Variants in UBR3 observed in about 807,000 individuals in gnomAD.
The protein encoded by UBR3 is E3 ubiquitin-protein ligase UBR3.
Under a neutral mutation model 243.2 loss-of-function variants are expected in UBR3, and 85 were observed. The ratio of observed to expected loss-of-function variants is 0.35; its 90% confidence interval spans 0.29 to 0.42. UBR3 has a LOEUF of 0.42. Ranked by LOEUF, UBR3 falls within the 10% of genes least tolerant of loss-of-function variation. The pLI is 1.00. For synonymous variants in UBR3, 748 were observed against 799.8 expected, an observed-to-expected ratio of 0.94 and a Z score of 1.09; for missense variants, 1,686 against 2,300.8, an observed-to-expected ratio of 0.73 and a Z score of 5.47.
chr2:169,977,429 C>T (rs189854143), intron 24 of UBR3, among the ~76,000 whole-genome samples: 2 of 152,048 alleles, frequency 1.3e-5, no homozygotes, highest in Non-Finnish European at 2.9e-5. Context: ...TGGTTCATTC[C>T]AAGTCTAAAA....
At chr2:170,079,438 GT>G (rs2091869929) in intron 36 of UBR3, among the ~76,000 whole-genome samples, 1 of 152,068 alleles carries the variant, frequency 6.6e-6, no homozygotes, top group African/African-American at 2.4e-5. Flanking sequence ...TCAAAACTTG[GT>G]TTTAAAAAAT....
intron 36 of UBR3, chr2:170,078,003 G>T (rs561016359): frequency 3.9e-5 from 26 of 665,950 alleles, no homozygotes; most frequent in Non-Finnish European, 6.2e-5. Context: ...TGGGAAGTAC[G>T]TTAGCTTGAG....
chr2:169,880,718 C>G (rs1390846278), intron 5 of UBR3, among the ~76,000 whole-genome samples: 2 of 152,072 alleles, frequency 1.3e-5, no homozygotes, highest in East Asian at 3.8e-4. Flanking sequence ...TTATTCATTA[C>G]TATTGCTTCT....
intron 1 of UBR3, among the ~76,000 whole-genome samples, chr2:169,861,663 G>C (rs1468088904): frequency 6.6e-6 from 1 of 151,094 alleles, no homozygotes; most frequent in East Asian, 1.9e-4. Flanking sequence ...TTTTTGTACA[G>C]AAATGTTTTC....
intron 10 of UBR3, among the ~76,000 whole-genome samples, chr2:169,912,933 C>A (rs565284359): frequency 6.6e-5 from 10 of 152,146 alleles, no homozygotes; most frequent in African/African-American, 2.4e-4. Context: ...TATAAATGCA[C>A]GCCACCACTC....
chr2:169,891,209 A>G lies in UBR3; in HGVS notation c.1083A>G (p.Val361=), dbSNP rs1225102007. The part of the protein sequence containing the change: ...GSQGLGKRKR[V]KLSSGTKDQS... ...AAGGTCTGGGCAAGAGAAAAAGGGT[A>G]AAACTAAGCAGTGGCACCAAAGGTA... The change falls in exon 6 of 39, where the codon GTA becomes GTG. Residue 361 remains valine, a synonymous_variant. Transcript: ENST00000272793. 2.6e-6 allele frequency: 4 copies of G among 1,549,904 alleles called. No homozygotes were observed. The South Asian group carries it at 3.6e-5, about 14-fold the overall frequency.
At chr2:169,870,917 G>C (rs2083416307) in intron 1 of UBR3, among the ~76,000 whole-genome samples, 1 of 150,284 alleles carries the variant, frequency 6.7e-6, no homozygotes, top group Admixed American at 6.6e-5. Flanking sequence ...GCCTCCCAAA[G>C]TGCTGGGATT....
intron 31 of UBR3, among the ~76,000 whole-genome samples, chr2:170,032,485 C>A (rs1267195390): frequency 1.4e-5 from 2 of 147,110 alleles, no homozygotes; most frequent in Non-Finnish European, 3.0e-5. Flanking sequence ...ACAACAACAA[C>A]AAAAAGATTA....
chr2:170,048,650 T>A (rs774345142), intron 32 of UBR3, among the ~76,000 whole-genome samples: 1 of 152,190 alleles, frequency 6.6e-6, no homozygotes, highest in Non-Finnish European at 1.5e-5. Flanking sequence ...GTTTCCAAAT[T>A]CGTAAACCTT....
At chr2:169,858,739 AC>A (rs1470464778) in intron 1 of UBR3, among the ~76,000 whole-genome samples, 1 of 152,070 alleles carries the variant, frequency 6.6e-6, no homozygotes, top group African/African-American at 2.4e-5. Context: ...AGCTGGGATT[AC>A]AGGCACCCTC....
chr2:169,938,019 G>A (rs1351358574), intron 19 of UBR3, among the ~76,000 whole-genome samples: 3 of 152,006 alleles, frequency 2.0e-5, no homozygotes, highest in Non-Finnish European at 2.9e-5. Context: ...ATCCTCAATT[G>A]TACTTGCTAT....
At chr2:169,979,376 A>G (rs2088614973) in intron 24 of UBR3, among the ~76,000 whole-genome samples, 1 of 152,188 alleles carries the variant, frequency 6.6e-6, no homozygotes, top group South Asian at 2.1e-4. Flanking sequence ...TTACCATATG[A>G]TCCATCACTT....
At chr2:170,075,274 T>A (rs2091783403) in intron 36 of UBR3, among the ~76,000 whole-genome samples, 1 of 152,144 alleles carries the variant, frequency 6.6e-6, no homozygotes, top group Non-Finnish European at 1.5e-5. Context: ...GTCTAGTAAT[T>A]TCTTTATTCA....
chr2:169,857,359 C>T (rs763244935), intron 1 of UBR3, among the ~76,000 whole-genome samples: 10 of 151,684 alleles, frequency 6.6e-5, no homozygotes, highest in South Asian at 2.1e-4. Flanking sequence ...TGAGCCACTG[C>T]GCCCGGCCCC....
chr2:169,970,108 C>T (rs528810436), intron 24 of UBR3, among the ~76,000 whole-genome samples: 51 of 140,786 alleles, frequency 3.6e-4, no homozygotes, highest in African/African-American at 1.2e-3. Context: ...GTCATTTTCA[C>T]AGTATTCTTC....
At chr2:169,951,930 T>C (rs1203113952) in intron 23 of UBR3, among the ~76,000 whole-genome samples, 2 of 152,184 alleles carry the variant, frequency 1.3e-5, no homozygotes, top group African/African-American at 2.4e-5. Flanking sequence ...TTTACCAAGA[T>C]AATGGAGTGT....
At chr2:169,831,127 A>ATATATATATATATATATAT (rs1450878762) in intron 1 of UBR3, among the ~76,000 whole-genome samples, 1 of 56,464 alleles carries the variant, frequency 1.8e-5, no homozygotes, top group Non-Finnish European at 2.8e-5. Flanking sequence ...ATATATATAT[A>ATATATATATATATATATAT]TTTTTTTTTT....
chr2:169,890,538 G>GATATAT (rs1238478825), intron 5 of UBR3, among the ~76,000 whole-genome samples: 4 of 77,576 alleles, frequency 5.2e-5, no homozygotes, highest in African/African-American at 2.5e-4. Flanking sequence ...GAGAGAGAGA[G>GATATAT]AGATATATAT....
chr2:169,874,322 C>T (rs1404440820), intron 2 of UBR3, among the ~76,000 whole-genome samples: 2 of 152,050 alleles, frequency 1.3e-5, no homozygotes, highest in Admixed American at 1.3e-4. Flanking sequence ...GCGCCCACCA[C>T]CACGCCCGGC....
Sources: allele counts gnomAD v4.1 joint callset (sites outside exome capture counted in the v4.1 genomes callset), GRCh38; gene constraint gnomAD v4.1.1; transcripts MANE v1.5; gene names NCBI Gene and HGNC (gene_info 2026-07-23, HGNC 2026-07-21).